KCNMA1: variants seen among roughly 807,000 people sequenced by gnomAD.
KCNMA1 encodes the protein potassium calcium-activated channel subfamily M alpha 1.
KCNMA1 carries 29 observed loss-of-function variants against 140.0 expected under a neutral mutation model. That is an observed-to-expected ratio of 0.21 (90% CI 0.15 to 0.28). The LOEUF (loss-of-function observed/expected upper bound fraction) is 0.28. Ranked by LOEUF, KCNMA1 falls within the 10% of genes least tolerant of loss-of-function variation. The probability of loss-of-function intolerance (pLI) is 1.00; values close to 1 mark genes in which losing one functional copy is unlikely to be tolerated. For synonymous variants in KCNMA1, 612 were observed against 611.9 expected (o/e 1.00, Z 0.00); for missense variants, 880 against 1,602.2 (o/e 0.55, Z 7.70).
At chr10:77,112,033 A>C (rs1283228629) in intron 7 of KCNMA1, among the ~76,000 whole-genome samples, 4 of 152,114 alleles carry the variant, frequency 2.6e-5, no homozygotes, top group African/African-American at 9.7e-5. Context: ...TTGTCCCCAG[A>C]CCTTTTCCAG....
intron 2 of KCNMA1, among the ~76,000 whole-genome samples, chr10:77,278,974 G>A (rs2067522457): frequency 6.6e-6 from 1 of 152,118 alleles, no homozygotes; most frequent in Non-Finnish European, 1.5e-5. Context: ...ATGATGAATA[G>A]GAATAGTCCA....
intron 1 of KCNMA1, among the ~76,000 whole-genome samples, chr10:77,627,114 C>G (rs1161912730): frequency 3.9e-5 from 6 of 152,140 alleles, no homozygotes; most frequent in African/African-American, 1.4e-4. Context: ...ACCCAATGAG[C>G]AGGTGGGAAA....
chr10:77,614,993 A>T (rs1377686198), intron 1 of KCNMA1, among the ~76,000 whole-genome samples: 2 of 152,190 alleles, frequency 1.3e-5, no homozygotes, highest in Non-Finnish European at 2.9e-5. Flanking sequence ...TTCATGAAGG[A>T]ACTTGGTGTA....
intron 25 of KCNMA1, among the ~76,000 whole-genome samples, chr10:76,892,215 G>A (rs2040426375): frequency 6.6e-6 from 1 of 152,166 alleles, no homozygotes; most frequent in Non-Finnish European, 1.5e-5. Context: ...TTTACCACAT[G>A]CGTTGATAAC....
intron 2 of KCNMA1, among the ~76,000 whole-genome samples, chr10:77,384,791 G>T (rs950528286): frequency 6.6e-6 from 1 of 152,210 alleles, no homozygotes; most frequent in Non-Finnish European, 1.5e-5. Context: ...GCAAGCCTCT[G>T]GTTTGCTCTC....
intron 29 of KCNMA1, among the ~76,000 whole-genome samples, chr10:76,878,485 T>C (rs1291663550): frequency 6.6e-6 from 1 of 152,216 alleles, no homozygotes; most frequent in African/African-American, 2.4e-5. Flanking sequence ...CCATAGATTT[T>C]GCTGGCCAAA....
intron 2 of KCNMA1, among the ~76,000 whole-genome samples, chr10:77,380,418 C>A (rs1394931493): frequency 6.6e-6 from 1 of 152,178 alleles, no homozygotes; most frequent in Non-Finnish European, 1.5e-5. Context: ...GGTTCAACCA[C>A]TGAACCACTT....
At chr10:77,159,578 T>C (rs1278266964) in intron 5 of KCNMA1, among the ~76,000 whole-genome samples, 1 of 152,158 alleles carries the variant, frequency 6.6e-6, no homozygotes, top group Non-Finnish European at 1.5e-5. Context: ...CCACTTCAAC[T>C]TAAGTTACAC....
chr10:77,492,783 C>T (rs564039519), intron 1 of KCNMA1, among the ~76,000 whole-genome samples: 23 of 152,324 alleles, frequency 1.5e-4, no homozygotes, highest in African/African-American at 4.8e-4. Flanking sequence ...ACATGACAGG[C>T]ACTGTCTAAG....
At chr10:77,389,785 C>A (rs1315733195) in intron 2 of KCNMA1, among the ~76,000 whole-genome samples, 1 of 152,186 alleles carries the variant, frequency 6.6e-6, no homozygotes, top group Non-Finnish European at 1.5e-5. Flanking sequence ...TACCTATAGG[C>A]TTTGCTTCTT....
chr10:77,501,481 A>G (rs2043855396), intron 1 of KCNMA1, among the ~76,000 whole-genome samples: 1 of 152,180 alleles, frequency 6.6e-6, no homozygotes, highest in African/African-American at 2.4e-5. Context: ...CTGCTGCATG[A>G]GGCAGTGTCA....
intron 18 of KCNMA1, among the ~76,000 whole-genome samples, chr10:77,007,480 C>T (rs2089241027): frequency 6.6e-6 from 1 of 151,816 alleles, no homozygotes; most frequent in South Asian, 2.1e-4. Flanking sequence ...CTTACAGTCC[C>T]AAAGTTGAGT....
intron 3 of KCNMA1, among the ~76,000 whole-genome samples, chr10:77,222,487 C>A (rs987884764): frequency 6.6e-6 from 1 of 152,148 alleles, no homozygotes; most frequent in African/African-American, 2.4e-5. Context: ...TCAGGAAGCC[C>A]GCATAGCCAG....
At chr10:77,440,510 G>C (rs529089113) in intron 1 of KCNMA1, among the ~76,000 whole-genome samples, 1 of 152,136 alleles carries the variant, frequency 6.6e-6, no homozygotes, top group Admixed American at 6.5e-5. Flanking sequence ...AGGAAGACTC[G>C]GTCCAGGGGA....
chr10:77,281,129 G>A (rs980907393), intron 2 of KCNMA1, among the ~76,000 whole-genome samples: 1 of 151,984 alleles, frequency 6.6e-6, no homozygotes, highest in Non-Finnish European at 1.5e-5. Flanking sequence ...GAAAATATCT[G>A]TGATTTTATC....
At chr10:77,633,787 A>G (rs1478831710) in intron 1 of KCNMA1, among the ~76,000 whole-genome samples, 2 of 152,218 alleles carry the variant, frequency 1.3e-5, no homozygotes, top group Non-Finnish European at 2.9e-5. Flanking sequence ...CTCTATGCCC[A>G]GCCACACTCA....
At chr10:77,253,930 C>A (rs974581865) in intron 2 of KCNMA1, among the ~76,000 whole-genome samples, 2 of 152,100 alleles carry the variant, frequency 1.3e-5, no homozygotes, top group Admixed American at 6.6e-5. Context: ...CACATCAATA[C>A]TTTGGATGTG....
At chr10:76,933,338 A>G (rs983421259) in intron 23 of KCNMA1, among the ~76,000 whole-genome samples, 1 of 152,212 alleles carries the variant, frequency 6.6e-6, no homozygotes, top group Admixed American at 6.5e-5. Flanking sequence ...CTAAGCATTT[A>G]GAAAGATTTC....
chr10:77,142,736 TAGAC>T (rs1199321164), intron 5 of KCNMA1, among the ~76,000 whole-genome samples: 2 of 151,986 alleles, frequency 1.3e-5, no homozygotes, highest in African/African-American at 4.8e-5. Flanking sequence ...CTGGAAATGA[TAGAC>T]AGAACTACAG....
Sources: gnomAD v4.1 joint callset for allele counts (sites outside exome capture counted in the v4.1 genomes callset) on GRCh38, gnomAD v4.1.1 for gene constraint, MANE v1.5 for transcripts, NCBI Gene and HGNC (gene_info 2026-07-23, HGNC 2026-07-21) for gene names.